The following WWOX variants were observed in gnomAD, a reference collection of about 807,000 sequenced individuals.
WWOX encodes the protein WW domain-containing oxidoreductase.
In WWOX, 69 loss-of-function variants were observed where a neutral mutation model predicts 46.2. The observed-to-expected ratio is 1.49, with a 90% CI of 1.23 to 1.82. The LOEUF is 1.82. WWOX is among the 40% of genes most tolerant of loss of function. The pLI is 0.00. For missense variants in WWOX, 919 were observed against 542.6 expected (o/e 1.69, Z -6.89); for synonymous variants, 359 against 202.6 (o/e 1.77, Z -6.56).
At chr16:78,543,527 G>T (rs1398865073) in intron 8 of WWOX, among the ~76,000 whole-genome samples, 1 of 152,186 alleles carries the variant, frequency 6.6e-6, no homozygotes, top group Non-Finnish European at 1.5e-5. Flanking sequence ...AGAAGTTTGG[G>T]CCCTAACATG....
chr16:78,099,727 G>C lies in WWOX; in HGVS notation c.-52G>C, dbSNP rs375359239. ...TTGGAGCGGGAGTGAGTTCCTGAGC[G>C]AGTGGACCCGGCAGCGGGCGATAGG... On this transcript the variant is annotated 5_prime_UTR_variant, in exon 1 of 9. Coordinates refer to ENST00000566780, the MANE Select transcript of WWOX (RefSeq NM_016373.4). 1.3e-4 allele frequency: 193 copies of C among 1,508,098 alleles called. No individual in the cohort carries two copies. In the African/African-American group the frequency reaches 2.4e-3, roughly 19 times the overall value. 93.4% of individuals were successfully genotyped at this position (1,508,098 alleles called of 1,614,324 possible).
At chr16:78,564,551 C>T (rs932546771) in intron 8 of WWOX, among the ~76,000 whole-genome samples, 2 of 152,138 alleles carry the variant, frequency 1.3e-5, no homozygotes, top group African/African-American at 4.8e-5. Context: ...ACAGAGAACC[C>T]AGGAGACCTT....
chr16:78,239,501 G>C lies in WWOX; in HGVS notation c.516+75212G>C, dbSNP rs564329618. On this transcript the variant is annotated intron_variant, in intron 5 of 8. Coordinates refer to ENST00000566780, the MANE Select transcript of WWOX (RefSeq NM_016373.4). ...CTTCCCAGGCCCCTCTATCCCCTCTGTTCTTGCTTAGGCATTAGTGATTTG... is the reference window on the plus strand; with the variant it reads ...CTTCCCAGGCCCCTCTATCCCCTCTCTTCTTGCTTAGGCATTAGTGATTTG... Among the ~76,000 whole-genome samples, 11 of 152,250 alleles carry C rather than the reference G, an allele frequency of 7.2e-5. No homozygotes were observed. In the South Asian group the frequency reaches 1.9e-3, roughly 26 times the overall value.
At chr16:79,021,983 G>A (rs2047543259) in intron 8 of WWOX, among the ~76,000 whole-genome samples, 1 of 152,234 alleles carries the variant, frequency 6.6e-6, no homozygotes, top group African/African-American at 2.4e-5. Context: ...CAGGCACATA[G>A]TAAGTGCTGG....
At chr16:78,758,006 C>G (rs149732329) in intron 8 of WWOX, among the ~76,000 whole-genome samples, 266 of 152,186 alleles carry the variant, frequency 1.7e-3, no homozygotes, top group Middle Eastern at 6.8e-3. Context: ...CCAGGATGCT[C>G]TTTTTCAAAC....
intron 5 of WWOX, among the ~76,000 whole-genome samples, chr16:78,350,099 C>G (rs193084891): frequency 1.7e-5 from 2 of 120,776 alleles, no homozygotes; most frequent in South Asian, 5.0e-4. Context: ...AGTTTCTTAC[C>G]GTGATCTCCA....
At chr16:78,438,810 C>A (rs181675118) in intron 8 of WWOX, among the ~76,000 whole-genome samples, 1 of 152,212 alleles carries the variant, frequency 6.6e-6, no homozygotes, top group East Asian at 1.9e-4. Flanking sequence ...GTGCAGCTAC[C>A]CTGCTAATGG....
At chr16:78,520,213 A>AT in intron 8 of WWOX, among the ~76,000 whole-genome samples, 1 of 152,282 alleles carries the variant, frequency 6.6e-6, no homozygotes, top group Non-Finnish European at 1.5e-5. Flanking sequence ...TGGACTCTAA[A>AT]TTTTGAAAAT....
chr16:79,128,044 G>T (rs2049796059), intron 8 of WWOX, among the ~76,000 whole-genome samples: 1 of 152,154 alleles, frequency 6.6e-6, no homozygotes, highest in African/African-American at 2.4e-5. Flanking sequence ...GTGAGGAATG[G>T]AGCAGGGGAG....
In WWOX at chr16:78,720,949, CAG is replaced by C. The variant is rs567092090; in HGVS notation, c.1056+288198_1056+288199del. Among the ~76,000 whole-genome samples, 389 of 152,220 alleles carry C rather than the reference CAG, an allele frequency of 2.6e-3. 2 individuals are homozygous for C. Among genetic ancestry groups the C allele is most frequent in the Non-Finnish European group, 4.3e-3 (291 of 68,006 alleles). ...GAAACCAAGAGCACTTCTCCATCATCAGGGGAGCCAAGTGGACGCTAATCACC... is the reference window on the plus strand; with the variant it reads ...GAAACCAAGAGCACTTCTCCATCATCGGGAGCCAAGTGGACGCTAATCACC... On this transcript the variant is annotated intron_variant, in intron 8 of 8. Transcript: ENST00000566780.
intron 6 of WWOX, among the ~76,000 whole-genome samples, chr16:78,400,655 C>A (rs575602290): frequency 6.6e-5 from 10 of 152,090 alleles, no homozygotes; most frequent in African/African-American, 2.2e-4. Context: ...GGGAAGGAAG[C>A]AGGTAGAAAG....
intron 8 of WWOX, among the ~76,000 whole-genome samples, chr16:78,506,133 T>G (rs1174000741): frequency 1.3e-5 from 2 of 152,114 alleles, no homozygotes; most frequent in Non-Finnish European, 2.9e-5. Flanking sequence ...GGCTTCGAGT[T>G]TTTTGGGTAG....
At chr16:78,185,943 G>C (rs2035688165) in intron 5 of WWOX, among the ~76,000 whole-genome samples, 1 of 152,210 alleles carries the variant, frequency 6.6e-6, no homozygotes, top group African/African-American at 2.4e-5. Context: ...TGGGATTACA[G>C]GTGTGAGTCA....
chr16:78,952,894 A>C (rs2046090542), intron 8 of WWOX, among the ~76,000 whole-genome samples: 1 of 152,202 alleles, frequency 6.6e-6, no homozygotes, highest in South Asian at 2.1e-4. Context: ...AATTCTACAG[A>C]GAGAAACAGG....
At chr16:79,051,650 T>C (rs2048169481) in intron 8 of WWOX, among the ~76,000 whole-genome samples, 1 of 152,216 alleles carries the variant, frequency 6.6e-6, no homozygotes, top group African/African-American at 2.4e-5. Flanking sequence ...TATCCTTTCA[T>C]GCCAGCAATT....
intron 5 of WWOX, among the ~76,000 whole-genome samples, chr16:78,272,157 A>G (rs2079489217): frequency 6.6e-6 from 1 of 152,200 alleles, no homozygotes. Flanking sequence ...GTTGGGGCTC[A>G]GTGGAGTGAC....
chr16:78,907,640 A>G (rs1025402987), intron 8 of WWOX, among the ~76,000 whole-genome samples: 1 of 152,204 alleles, frequency 6.6e-6, no homozygotes, highest in Non-Finnish European at 1.5e-5. Context: ...CACGGTCATA[A>G]TTTTCTTACT....
intron 8 of WWOX, among the ~76,000 whole-genome samples, chr16:78,577,592 A>C (rs909683120): frequency 2.0e-5 from 3 of 152,130 alleles, no homozygotes; most frequent in African/African-American, 7.2e-5. Flanking sequence ...TGAACAATTT[A>C]CTTATGCTTT....
At chr16:78,982,692 A>T (rs1471116334) in intron 8 of WWOX, among the ~76,000 whole-genome samples, 1 of 152,198 alleles carries the variant, frequency 6.6e-6, no homozygotes, top group Non-Finnish European at 1.5e-5. Flanking sequence ...CGGGCTCCTC[A>T]AACATGTATG....
Sources: gnomAD v4.1 joint callset for allele counts (sites outside exome capture counted in the v4.1 genomes callset) on GRCh38, gnomAD v4.1.1 for gene constraint, MANE v1.5 for transcripts, NCBI Gene and HGNC (gene_info 2026-07-23, HGNC 2026-07-21) for gene names.